PNLDC1: variants seen among roughly 807,000 people sequenced by gnomAD.
The protein encoded by PNLDC1 is PARN like ribonuclease domain containing exonuclease 1.
In PNLDC1, 70 loss-of-function variants were observed where a neutral mutation model predicts 82.0. The ratio of observed to expected loss-of-function variants is 0.85; its 90% CI spans 0.70 to 1.04. PNLDC1 has a LOEUF of 1.04. PNLDC1 is among the 50% of genes least tolerant of loss of function. The pLI, the probability that PNLDC1 is intolerant of heterozygous loss-of-function variation, is 0.00. For synonymous variants in PNLDC1, 280 were observed against 249.3 expected (o/e 1.12, Z -1.16); for missense variants, 631 against 661.1 (o/e 0.95, Z 0.50).
intron 1 of PNLDC1, 38 bp from the exon 2 acceptor site, chr6:159,800,734 C>T (rs903911456): frequency 6.2e-7 from 1 of 1,614,088 alleles, no homozygotes; most frequent in African/African-American, 1.3e-5. Context: ...TGGCGATGTT[C>T]TGCACCCGAG....
chr6:159,801,267 G>A, intron 3 of PNLDC1, 81 bp downstream of exon 3: 3 of 1,311,842 alleles, frequency 2.3e-6, no homozygotes, highest in East Asian at 2.3e-5. Flanking sequence ...AAACAGCTCT[G>A]AGATTTTTCA....
In PNLDC1 at chr6:159,808,615, G is replaced by GC. The variant is rs1781535786; in HGVS notation, c.563-124dup. 22 of 840,018 alleles carry GC rather than the reference G, an allele frequency of 2.6e-5. No individual in the cohort carries two copies. The Admixed American group carries it at 4.8e-4, about 18-fold the overall frequency. The allele number at this position is 840,018 out of a possible 1,614,324, so 52.0% of individuals were successfully genotyped here. Reference sequence around the variant, plus strand: ...CCTGCCACATGGCTCATGGGCTTGGGCACCCTTCAAGCTCCCTTTCCACTT... The same window carrying GC: ...CCTGCCACATGGCTCATGGGCTTGGGCCACCCTTCAAGCTCCCTTTCCACTT... On this transcript the variant is annotated intron_variant, in intron 7 of 18. Transcript: ENST00000392167.
chr6:159,807,747 C>T (rs1781500451), intron 7 of PNLDC1, among the ~76,000 whole-genome samples: 1 of 152,132 alleles, frequency 6.6e-6, no homozygotes. Context: ...TGTAGCAGTA[C>T]AATAAAACTC....
chr6:159,801,950 C>T (rs1213487685), intron 3 of PNLDC1, among the ~76,000 whole-genome samples: 2 of 151,664 alleles, frequency 1.3e-5, no homozygotes, highest in Non-Finnish European at 2.9e-5. Context: ...TGCAGTAGCG[C>T]GATGTGGGCT....
In PNLDC1 at chr6:159,817,146, A is replaced by G. The variant is rs1781862484; in HGVS notation, c.1152A>G (p.Ile384Met). ...TGGCACACTTGCTTCTACAGAAGAT[A>G]TACCAGTAAGTGTTCTTTCTTTTCA... ...LKVAHLLLQKIYHIDPVPESS... is the reference protein window; with the variant it reads ...LKVAHLLLQKMYHIDPVPESS... Residue 384 changes from isoleucine (I) to methionine (M), a missense_variant, in exon 15 of 19, where the codon ATA (isoleucine) becomes ATG (methionine). Ile to Met is a conservative substitution (Grantham distance 10). Coordinates refer to ENST00000392167, the MANE Select transcript of PNLDC1 (RefSeq NM_001271862.2). The G allele has an allele frequency of 2.5e-6, 4 of 1,611,948 alleles. No homozygotes were observed. Among genetic ancestry groups the G allele is most frequent in the Non-Finnish European group, 3.4e-6 (4 of 1,178,230 alleles).
chr6:159,809,485 G>A (rs1414121249), intron 9 of PNLDC1, among the ~76,000 whole-genome samples: 4 of 150,572 alleles, frequency 2.7e-5, no homozygotes, highest in Middle Eastern at 3.2e-3. Flanking sequence ...GTAGAGACGG[G>A]ATCTCGCAGT....
chr6:159,801,057 A>G (rs901736469), intron 2 of PNLDC1, 56 bp from the exon 3 acceptor site: 17 of 1,584,378 alleles, frequency 1.1e-5, no homozygotes, highest in Admixed American at 6.7e-5. Context: ...CGCGGAGGCC[A>G]TAGTGCCGGG....
At chr6:159,804,401 G>C in intron 5 of PNLDC1, 148 bp from the exon 6 acceptor site, 1 of 653,110 alleles carries the variant, frequency 1.5e-6, no homozygotes, top group Non-Finnish European at 2.7e-6. Flanking sequence ...ACCGCACCCG[G>C]CCTGGGAATG....
upstream of PNLDC1, chr6:159,800,240 C>A: frequency 6.9e-7 from 1 of 1,450,934 alleles, no homozygotes; most frequent in Non-Finnish European, 9.3e-7. Context: ...GGCGGCGCGA[C>A]GGAAGCGCGT....
At position 159,808,907 on chromosome 6, in the gene PNLDC1, C is replaced by T. The variant is rs1370664731; in HGVS notation, c.639+91C>T. Reference sequence around the variant, plus strand: ...TGGCCTCTGAAAAGCTTTTATCTTGCACGCTGCTAGTTTTTCCCCCTTTCC... The same window carrying T: ...TGGCCTCTGAAAAGCTTTTATCTTGTACGCTGCTAGTTTTTCCCCCTTTCC... On this transcript the variant is annotated intron_variant, in intron 8 of 18. Transcript: ENST00000392167. 5 of 1,586,450 alleles carry T rather than the reference C, an allele frequency of 3.2e-6. No individual in the cohort carries two copies. The East Asian group carries it at 6.7e-5, about 21-fold the overall frequency.
intron 3 of PNLDC1, 111 bp from the exon 4 acceptor site, chr6:159,803,160 G>T: frequency 2.2e-6 from 2 of 918,634 alleles, no homozygotes; most frequent in Non-Finnish European, 3.6e-6. Context: ...CTGTTGTACA[G>T]CCCACATAGT....
rs200037212 is a variant in PNLDC1 at position 159,816,608 on chromosome 6, G to C, written c.1114+12G>C. On this transcript the variant is annotated intron_variant, in intron 14 of 18. Coordinates refer to ENST00000392167, the MANE Select transcript of PNLDC1 (RefSeq NM_001271862.2). ...CCTCTGTGGGTCAGGTAAGGATTGC[G>C]GTTCCTTTAAAAGGAAACTCACTTT... The C allele has an allele frequency of 3.6e-5, 58 of 1,610,834 alleles. No individual in the cohort carries two copies. The East Asian group carries it at 1.2e-3, about 34-fold the overall frequency.
At chr6:159,811,534 T>C (rs1452867989) in intron 10 of PNLDC1, among the ~76,000 whole-genome samples, 167 bp from the exon 11 acceptor site, 1 of 152,232 alleles carries the variant, frequency 6.6e-6, no homozygotes, top group Non-Finnish European at 1.5e-5. Flanking sequence ...CAGCTTGATC[T>C]GAGTTTAGAA....
intron 5 of PNLDC1, 102 bp from the exon 6 acceptor site, chr6:159,804,447 C>G: frequency 1.3e-6 from 1 of 799,440 alleles, no homozygotes; most frequent in Non-Finnish European, 2.1e-6. Context: ...GCTTATACAG[C>G]CCGTCTCCTT....
rs1031273454 is a variant in PNLDC1 at position 159,819,493 on chromosome 6, C to T, written c.1532+141C>T. ...GGGGTTGTGTTGACGAGTGTGGTGCCCTGAATGTCCTTCAGTGATGCCGCG... is the reference window on the plus strand; with the variant it reads ...GGGGTTGTGTTGACGAGTGTGGTGCTCTGAATGTCCTTCAGTGATGCCGCG... On this transcript the variant is annotated intron_variant, in intron 18 of 18. Transcript: ENST00000392167. The surrounding 1 kb of genome is among the most constrained non-coding windows in gnomAD (Gnocchi z 4.6). 1 of 706,134 alleles carries T rather than the reference C, an allele frequency of 1.4e-6. No homozygotes were observed. 43.7% of individuals were successfully genotyped at this position (706,134 alleles called of 1,614,324 possible).
chr6:159,816,282 G>A, intron 13 of PNLDC1, among the ~76,000 whole-genome samples: 1 of 149,758 alleles, frequency 6.7e-6, no homozygotes, highest in Non-Finnish European at 1.5e-5. Flanking sequence ...CCCCAAATGA[G>A]CGAGCCCAGA....
At position 159,806,330 on chromosome 6, in the gene PNLDC1, G is replaced by A. The variant is rs115840503; in HGVS notation, c.562+247G>A. Among the ~76,000 whole-genome samples the A allele has an allele frequency of 7.8e-3, 1,183 of 152,300 alleles. 11 individuals carry two copies. Among genetic ancestry groups the A allele is most frequent in the African/African-American group, 0.026 (1,082 of 41,550 alleles). ...TGAGAAGGTCAAGTTCCATTCCTGA[G>A]CCATTCCTTTTATTTCAGTCCTGGG... is the stretch of plus-strand genomic sequence containing the variant. On this transcript the variant is annotated intron_variant, in intron 7 of 18. Coordinates refer to ENST00000392167, the MANE Select transcript of PNLDC1 (RefSeq NM_001271862.2).
rs1178066417 is a variant in PNLDC1 at position 159,820,563 on chromosome 6, T to C, written c.*46T>C. ...GCCACCCTCGGGTCCCCATGCTCTC[T>C]GGGAGGTGTGCTGGGTGTGTTCGTG... is the stretch of plus-strand genomic sequence containing the variant. On this transcript the variant is annotated 3_prime_UTR_variant, in exon 19 of 19. Coordinates refer to ENST00000392167, the MANE Select transcript of PNLDC1 (RefSeq NM_001271862.2). The C allele has an allele frequency of 6.4e-7, 1 of 1,564,468 alleles. No homozygotes were observed. The highest frequency in any genetic ancestry group is 8.8e-7 in the Non-Finnish European group (1 of 1,135,630).
At chr6:159,811,677 G>A (rs1248291861) in intron 10 of PNLDC1, 24 bp from the exon 11 acceptor site, 1 of 1,592,148 alleles carries the variant, frequency 6.3e-7, no homozygotes, top group South Asian at 1.1e-5. Context: ...ATTCACTCTT[G>A]ACTACCTGGG....
Sources: gnomAD v4.1 joint callset for allele counts (sites outside exome capture counted in the v4.1 genomes callset) on GRCh38, gnomAD v4.1.1 for gene constraint, Gnocchi (gnomAD v3.1) non-coding constraint, MANE v1.5 for transcripts, NCBI Gene and HGNC (gene_info 2026-07-23, HGNC 2026-07-21) for gene names.